DAB1: variants seen among roughly 807,000 people sequenced by gnomAD.
DAB1 encodes DAB adaptor protein 1, also known as disabled homolog 1.
A neutral mutation model predicts 64.6 loss-of-function variants in DAB1; 15 were observed. The observed-to-expected ratio is 0.23, with a 90% CI of 0.16 to 0.36. The LOEUF is 0.36. Ranked by LOEUF, DAB1 falls within the 10% of genes least tolerant of loss-of-function variation. The probability of loss-of-function intolerance (pLI) is 1.00; values close to 1 mark genes in which losing one functional copy is unlikely to be tolerated. For synonymous variants in DAB1, 235 were observed against 251.9 expected (o/e 0.93, Z 0.64); for missense variants, 596 against 706.7 (o/e 0.84, Z 1.78).
At chr1:57,169,972 A>G (rs1332774809) in intron 2 of DAB1, among the ~76,000 whole-genome samples, 2 of 149,340 alleles carry the variant, frequency 1.3e-5, no homozygotes, top group Admixed American at 6.7e-5. Flanking sequence ...CCATCTTACC[A>G]TGCCTTTTTC....
intron 4 of DAB1, among the ~76,000 whole-genome samples, chr1:58,304,190 G>A (rs1662246077): frequency 6.6e-6 from 1 of 152,102 alleles, no homozygotes; most frequent in South Asian, 2.1e-4. Flanking sequence ...AGAACATCTT[G>A]TCCAAATGCA....
intron 10 of DAB1, among the ~76,000 whole-genome samples, chr1:57,024,900 C>T (rs1402910849): frequency 2.6e-5 from 4 of 152,196 alleles, no homozygotes; most frequent in East Asian, 1.9e-4. Context: ...GCTGCAGTCC[C>T]CTCCCTCAAG....
At chr1:57,677,863 G>A (rs1646586172) in intron 6 of DAB1, among the ~76,000 whole-genome samples, 1 of 152,158 alleles carries the variant, frequency 6.6e-6, no homozygotes, top group Non-Finnish European at 1.5e-5. Context: ...GCTCATAGTT[G>A]AGTAGAAGTA....
intron 1 of DAB1, among the ~76,000 whole-genome samples, chr1:57,417,978 A>G (rs1461165821): frequency 6.6e-6 from 1 of 152,168 alleles, no homozygotes; most frequent in African/African-American, 2.4e-5. Context: ...TTCTCCAGGT[A>G]GAGTAAATTA....
intron 7 of DAB1, among the ~76,000 whole-genome samples, chr1:57,560,052 T>C (rs1318536756): frequency 3.3e-5 from 5 of 152,244 alleles, no homozygotes; most frequent in Non-Finnish European, 5.9e-5. Flanking sequence ...TGTGGTTTCA[T>C]TGCTTGAGCA....
chr1:58,478,466 A>G (rs1645441561), intron 3 of DAB1, among the ~76,000 whole-genome samples: 1 of 152,170 alleles, frequency 6.6e-6, no homozygotes, highest in South Asian at 2.1e-4. Flanking sequence ...CTTTAAGTAT[A>G]TCATTTCACT....
At chr1:57,177,263 G>C (rs1301886156) in intron 2 of DAB1, among the ~76,000 whole-genome samples, 1 of 151,988 alleles carries the variant, frequency 6.6e-6, no homozygotes, top group Non-Finnish European at 1.5e-5. Context: ...TCTTTGTTAA[G>C]ATGTTATATA....
In DAB1 at chr1:57,553,442, G is replaced by GAAAGAAAGAAAAAGAAAGAAAGAAAGAA. The variant is rs59263518; in HGVS notation, n.625+96149_625+96150insTTCTTTCTTTCTTTCTTTTTCTTTCTTT. On this transcript the variant is annotated intron_variant and non_coding_transcript_variant, in intron 7 of 20. Transcript: ENST00000485760. Reference sequence around the variant, plus strand: ...AGAAAGAAAGAAAGAAAGAAAGAAAGAGAAAGAAAGAAAGAAAGAGAAAGG... The same window carrying GAAAGAAAGAAAAAGAAAGAAAGAAAGAA: ...AGAAAGAAAGAAAGAAAGAAAGAAAGAAAGAAAGAAAAAGAAAGAAAGAAAGAAAGAAAGAAAGAAAGAAAGAGAAAGG... Among the ~76,000 whole-genome samples, 4 of 68,154 alleles carry GAAAGAAAGAAAAAGAAAGAAAGAAAGAA rather than the reference G, an allele frequency of 5.9e-5. 1 individual carries two copies. Among genetic ancestry groups the GAAAGAAAGAAAAAGAAAGAAAGAAAGAA allele is most frequent in the African/African-American group, 2.5e-4 (4 of 15,944 alleles). 44.7% of individuals were successfully genotyped at this position (68,154 alleles called of 152,430 possible). A position where few individuals can be genotyped will look rare whatever the true frequency, so the allele number is the denominator to read the frequency against.
intron 5 of DAB1, among the ~76,000 whole-genome samples, chr1:58,034,205 C>A (rs1647011450): frequency 6.6e-6 from 1 of 152,212 alleles, no homozygotes; most frequent in South Asian, 2.1e-4. Context: ...AAGCTGGTTA[C>A]CATATTTGAA....
At chr1:58,337,862 T>A (rs1040683369) in intron 4 of DAB1, among the ~76,000 whole-genome samples, 1 of 152,116 alleles carries the variant, frequency 6.6e-6, no homozygotes, top group South Asian at 2.1e-4. Context: ...TCAGTGAGTA[T>A]AGAGTTTCAG....
intron 4 of DAB1, among the ~76,000 whole-genome samples, chr1:58,283,297 A>G (rs576072638): frequency 6.6e-6 from 1 of 152,190 alleles, no homozygotes; most frequent in East Asian, 1.9e-4. Context: ...AGTAGAAAAT[A>G]CCTTCTGCCA....
intron 2 of DAB1, among the ~76,000 whole-genome samples, chr1:57,261,730 T>C (rs1570092185): frequency 6.6e-6 from 1 of 152,284 alleles, no homozygotes; most frequent in East Asian, 1.9e-4. Flanking sequence ...CAGAGTGACT[T>C]TGGACAAGTC....
At chr1:57,549,689 G>A (rs139138096) in intron 7 of DAB1, among the ~76,000 whole-genome samples, 183 of 152,282 alleles carry the variant, frequency 1.2e-3, no homozygotes, top group Non-Finnish European at 2.1e-3. Context: ...GGAGACATTG[G>A]GTTGTGCAAC....
chr1:58,047,002 T>C (rs1449100031), intron 5 of DAB1, among the ~76,000 whole-genome samples: 1 of 152,210 alleles, frequency 6.6e-6, no homozygotes, highest in African/African-American at 2.4e-5. Context: ...CTCAGTTTCT[T>C]TAGCTGTAAA....
chr1:57,014,976 C>G lies in DAB1; in HGVS notation c.1351G>C (p.Gly451Arg). Reference protein sequence around the residue: ...EAFSSYFNKVGVAQDTDDCDD... With the variant: ...EAFSSYFNKVRVAQDTDDCDD... Reference sequence around the variant, plus strand: ...CAGTCGTCTGTATCCTGTGCCACCCCGACTTTGTTGAAGTAACTGGAGAAG... The same window carrying G: ...CAGTCGTCTGTATCCTGTGCCACCCGGACTTTGTTGAAGTAACTGGAGAAG... Residue 451 changes from glycine (G) to arginine (R), a missense_variant, in exon 12 of 15, where the codon GGG becomes CGG. Transcript: ENST00000371236. The G allele has an allele frequency of 6.2e-7, 1 of 1,614,064 alleles. No homozygotes were observed. The highest frequency in any genetic ancestry group is 8.5e-7 in the Non-Finnish European group (1 of 1,180,004).
chr1:58,091,704 A>G (rs1276079156), intron 5 of DAB1, among the ~76,000 whole-genome samples: 1 of 152,094 alleles, frequency 6.6e-6, no homozygotes, highest in Non-Finnish European at 1.5e-5. Flanking sequence ...CATTTTAGCT[A>G]CTTCCAAATA....
Position 57,481,497 on chromosome 1 carries a change from T to G in DAB1, n.625+168095A>C, listed in dbSNP as rs1644018651. Among the ~76,000 whole-genome samples the G allele has an allele frequency of 2.0e-5, 3 of 152,308 alleles. 1 individual carries two copies. In the South Asian group the frequency reaches 6.2e-4, roughly 32 times the overall value. On this transcript the variant is annotated intron_variant and non_coding_transcript_variant, in intron 7 of 20. Coordinates refer to the DAB1 transcript ENST00000485760. ...TGGGAGCTATACAGCTCTGAGTATC[T>G]GTTTGCTTATTCATAATACAGCCAC... is the stretch of plus-strand genomic sequence containing the variant.
intron 1 of DAB1, among the ~76,000 whole-genome samples, chr1:57,367,532 C>A (rs1204446603): frequency 6.6e-6 from 1 of 152,144 alleles, no homozygotes; most frequent in Non-Finnish European, 1.5e-5. Flanking sequence ...CAGCAAAGGG[C>A]AAATGCTCCC....
intron 2 of DAB1, among the ~76,000 whole-genome samples, chr1:58,523,565 T>C (rs1646300722): frequency 6.6e-6 from 1 of 152,124 alleles, no homozygotes. Flanking sequence ...GTTGAACTCA[T>C]GGGGTTCCAG....
Sources: gnomAD v4.1 joint callset for allele counts (sites outside exome capture counted in the v4.1 genomes callset) on GRCh38, gnomAD v4.1.1 for gene constraint, MANE v1.5 for transcripts, NCBI Gene and HGNC (gene_info 2026-07-23, HGNC 2026-07-21) for gene names.